CYB561D1: variants seen among roughly 807,000 people sequenced by gnomAD.
CYB561D1 encodes probable transmembrane reductase CYB561D1.
A neutral mutation model predicts 19.2 loss-of-function variants in CYB561D1; 15 were observed. That is an observed-to-expected ratio of 0.78 (90% CI 0.52 to 1.20). CYB561D1 has a LOEUF of 1.20. Ranked by LOEUF, CYB561D1 falls within the 50% of genes most tolerant of loss-of-function variation. CYB561D1 has a pLI of 0.00. For synonymous variants in CYB561D1, 133 were observed against 120.6 expected (o/e 1.10, Z -0.68); for missense variants, 297 against 287.3 (o/e 1.03, Z -0.24).
In CYB561D1 at chr1:109,497,629, C is replaced by T. The variant is rs1657642145; in HGVS notation, c.*1370C>T. ...TGGCAAGGCCTGACAACAGCTGAGC[C>T]AGGAAAGTGCTGCTGAGGCAAGTCG... On this transcript the variant is annotated 3_prime_UTR_variant, in exon 3 of 3. Transcript: ENST00000420578. The T allele has an allele frequency of 6.6e-6, 1 of 152,258 alleles. No individual in the cohort carries two copies. The highest frequency in any genetic ancestry group is 1.5e-5 in the Non-Finnish European group (1 of 68,082). The allele number at this position is 152,258 out of a possible 1,614,324, so 9.4% of individuals were successfully genotyped here.
At position 109,495,767 on chromosome 1, in the gene CYB561D1, C is replaced by T; in HGVS notation, c.198C>T (p.Cys66=). Residue 66 remains cysteine, a synonymous_variant, in exon 3 of 3, where the codon TGC becomes TGT. Coordinates refer to ENST00000420578, the MANE Select transcript of CYB561D1 (RefSeq NM_182580.3). The part of the protein sequence containing the change: ...PVFMALAFCL[C]MAEAILLFSP... ...TCCTATGTTCACAGTTCTGCCTCTG[C>T]ATGGCTGAAGCCATCCTACTCTTCT... 6.2e-7 allele frequency: 1 copy of T among 1,614,224 alleles called. No individual in the cohort carries two copies. The highest frequency in any genetic ancestry group is 8.5e-7 in the Non-Finnish European group (1 of 1,180,046).
In CYB561D1 at chr1:109,498,488, A is replaced by T. The variant is rs1657701902; in HGVS notation, c.*2229A>T. The T allele has an allele frequency of 6.6e-6, 1 of 152,034 alleles. No homozygotes were observed. Among genetic ancestry groups the T allele is most frequent in the African/African-American group, 2.4e-5 (1 of 41,362 alleles). The allele number at this position is 152,034 out of a possible 1,614,324, so 9.4% of individuals were successfully genotyped here. A position where few individuals can be genotyped will look rare whatever the true frequency, so the allele number is the denominator to read the frequency against. ...GTGTAGGGAATAGGTCACCAGGAGG[A>T]GCCCTTCATCCTGGCAGGCCGGATT... On this transcript the variant is annotated 3_prime_UTR_variant, in exon 3 of 3. Coordinates refer to ENST00000420578, the MANE Select transcript of CYB561D1 (RefSeq NM_182580.3).
chr1:109,496,238 G>A lies in CYB561D1; in HGVS notation c.669G>A (p.Pro223=), dbSNP rs763635444. 10 of 1,575,580 alleles carry A rather than the reference G, an allele frequency of 6.3e-6. No individual in the cohort carries two copies. The Admixed American group carries it at 7.1e-5, about 11-fold the overall frequency. ...ACCAGATTTCCAGATCCTACTTGCC[G>A]AGGAAGAAAATGGAAATGTGAGTTC... ...IMHQISRSYL[P]RKKMEM is the part of the protein sequence containing the mutation. The change falls in exon 3 of 3, where the codon CCG becomes CCA. Residue 223 remains proline, a synonymous_variant. Coordinates refer to ENST00000420578, the MANE Select transcript of CYB561D1 (RefSeq NM_182580.3).
rs770025059 is a variant in CYB561D1, at chr1:109,495,958, TG to T, written c.392del (p.Gly131GlufsTer3). 1.4e-5 allele frequency: 22 copies of T among 1,613,216 alleles called. No individual in the cohort carries two copies. In the African/African-American group the frequency reaches 2.1e-4, roughly 16 times the overall value. On this transcript the variant is annotated frameshift_variant, in exon 3 of 3. Coordinates refer to ENST00000420578, the MANE Select transcript of CYB561D1 (RefSeq NM_182580.3). LOFTEE classifies it high-confidence loss of function. Reference protein sequence around the residue: ...LPHLVSWHSWVGALTLLATAV... With the variant: ...LPHLVSWHSWXGALTLLATAV... ...CATCTGGTGTCCTGGCACAGCTGGGTGGGAGCCCTGACACTGCTGGCCACTG... is the reference window on the plus strand; with the variant it reads ...CATCTGGTGTCCTGGCACAGCTGGGTGGAGCCCTGACACTGCTGGCCACTG...
rs1657571420 is a variant in CYB561D1 at position 109,496,445 on chromosome 1, T to C, written c.*186T>C. The C allele has an allele frequency of 3.4e-6, 2 of 581,236 alleles. No individual in the cohort carries two copies. The highest frequency in any genetic ancestry group is 3.6e-5 in the Admixed American group (1 of 27,664). The allele number at this position is 581,236 out of a possible 1,614,324, so 36.0% of individuals were successfully genotyped here. A position where few individuals can be genotyped will look rare whatever the true frequency, so the allele number is the denominator to read the frequency against. On this transcript the variant is annotated 3_prime_UTR_variant, in exon 3 of 3. Coordinates refer to ENST00000420578, the MANE Select transcript of CYB561D1 (RefSeq NM_182580.3). ...AGTGGGTCAAAATGGGGAGATGTACTGGGTATGAGTGGAAGGTGATGGAGA... is the reference window on the plus strand; with the variant it reads ...AGTGGGTCAAAATGGGGAGATGTACCGGGTATGAGTGGAAGGTGATGGAGA...
rs188858648 is a variant in CYB561D1, at chr1:109,496,272, G to A, written c.*13G>A. 177 of 1,557,852 alleles carry A rather than the reference G, an allele frequency of 1.1e-4. No individual in the cohort carries two copies. The East Asian group carries it at 3.9e-3, about 34-fold the overall frequency. ...AATGGAAATGTGAGTTCCTGCGAAC[G>A]CTGAATCTAGGTGGGACGCTTGCCT... is the stretch of plus-strand genomic sequence containing the variant. On this transcript the variant is annotated 3_prime_UTR_variant, in exon 3 of 3. Coordinates refer to ENST00000420578, the MANE Select transcript of CYB561D1 (RefSeq NM_182580.3).
rs369791673 is a variant in CYB561D1, at chr1:109,494,157, A to G, written c.18A>G (p.Val6=). 469 of 1,538,232 alleles carry G rather than the reference A, an allele frequency of 3.0e-4. No individual in the cohort carries two copies. The highest frequency in any genetic ancestry group is 4.0e-4 in the Non-Finnish European group (457 of 1,139,508). The part of the protein sequence containing the change: MQPLE[V]GLVPAPAGEP... Reference sequence around the variant, plus strand: ...CCACGGCCATGCAGCCCCTGGAGGTAGGTCTGGTTCCCGCTCCAGCTGGGG... The same window carrying G: ...CCACGGCCATGCAGCCCCTGGAGGTGGGTCTGGTTCCCGCTCCAGCTGGGG... Residue 6 remains valine (V), a synonymous_variant, in exon 1 of 3, where the codon GTA becomes GTG. Transcript: ENST00000420578.
chr1:109,495,486 G>A (rs527815845), intron 2 of CYB561D1, among the ~76,000 whole-genome samples: 11 of 152,230 alleles, frequency 7.2e-5, no homozygotes, highest in Non-Finnish European at 1.3e-4. Context: ...AGTTCAGGAA[G>A]AAGTTTAACA....
In CYB561D1 at chr1:109,495,948, C is replaced by G. The variant is rs749187017; in HGVS notation, c.379C>G (p.His127Asp). The G allele has an allele frequency of 1.2e-6, 2 of 1,613,670 alleles. No homozygotes were observed. Among genetic ancestry groups the G allele is most frequent in the South Asian group, 2.2e-5 (2 of 91,046 alleles). Reference protein sequence around the residue: ...RSELPHLVSWHSWVGALTLLA... With the variant: ...RSELPHLVSWDSWVGALTLLA... ...TGAGCTGCCTCATCTGGTGTCCTGG[C>G]ACAGCTGGGTGGGAGCCCTGACACT... is the stretch of plus-strand genomic sequence containing the variant. Residue 127 changes from histidine (H) to aspartate (D), a missense_variant, in exon 3 of 3, where the codon CAC becomes GAC. Physicochemically the swap from His to Asp is moderately conservative, Grantham distance 81. Transcript: ENST00000420578.
chr1:109,494,871 AAAAAAC>A (rs1232281252), intron 1 of CYB561D1, among the ~76,000 whole-genome samples: 1 of 123,124 alleles, frequency 8.1e-6, no homozygotes, highest in Admixed American at 7.1e-5. Context: ...CAAAAAAAAC[AAAAAAC>A]AAAAAAGGGG....
intron 1 of CYB561D1, 57 bp from the exon 2 acceptor site, chr1:109,495,086 G>C: frequency 6.3e-7 from 1 of 1,596,344 alleles, no homozygotes; most frequent in East Asian, 2.2e-5. Context: ...GTTCCACCTA[G>C]CTACAGGGGC....
chr1:109,494,113 G>A lies in CYB561D1; in HGVS notation c.-27G>A, dbSNP rs1278799398. 7 of 1,452,304 alleles carry A rather than the reference G, an allele frequency of 4.8e-6. No individual in the cohort carries two copies. The highest frequency in any genetic ancestry group is 2.0e-4 in the Middle Eastern group (1 of 5,090). 90.0% of individuals were successfully genotyped at this position (1,452,304 alleles called of 1,614,324 possible). On this transcript the variant is annotated 5_prime_UTR_variant, in exon 1 of 3. Coordinates refer to ENST00000420578, the MANE Select transcript of CYB561D1 (RefSeq NM_182580.3). ...CCCGGAAGACGTGTTCGGGCAGCTG[G>A]AGTGTACGGGCCCGCGGGCCACGGC...
Position 109,495,840 on chromosome 1 carries a change from C to T in CYB561D1, c.271C>T (p.Arg91Trp), listed in dbSNP as rs139353734. Residue 91 changes from arginine (R) to tryptophan (W), a missense_variant, in exon 3 of 3, where the codon CGG becomes TGG. Coordinates refer to ENST00000420578, the MANE Select transcript of CYB561D1 (RefSeq NM_182580.3). ...CTTCTGCTCCCGAAAAGCACGGATC[C>T]GGCTCCACTGGGCAGGGCAGACCCT... ...FFFCSRKARI[R>W]LHWAGQTLAI... 1.2e-4 allele frequency: 194 copies of T among 1,613,888 alleles called. No individual in the cohort carries two copies. Among genetic ancestry groups the T allele is most frequent in the Non-Finnish European group, 1.4e-4 (171 of 1,180,046 alleles).
Position 109,498,844 on chromosome 1 carries a change from T to G in CYB561D1, c.*2585T>G, listed in dbSNP as rs1657724696. On this transcript the variant is annotated 3_prime_UTR_variant, in exon 3 of 3. Transcript: ENST00000420578. ...GAAAGCTGCTAGTGGTCAGCCTGTT[T>G]TGCCTTTTTTTAAAAAAAAAAAAAA... 1 of 110,884 alleles carries G rather than the reference T, an allele frequency of 9.0e-6. No individual in the cohort carries two copies. The highest frequency in any genetic ancestry group is 2.1e-4 in the East Asian group (1 of 4,716). 6.9% of individuals were successfully genotyped at this position (110,884 alleles called of 1,614,324 possible).
At chr1:109,495,256 A>G in intron 2 of CYB561D1, 76 bp downstream of exon 2, 1 of 1,534,370 alleles carries the variant, frequency 6.5e-7, no homozygotes, top group Non-Finnish European at 9.0e-7. Flanking sequence ...AGCTTTCAGA[A>G]AGCTCAGCCT....
At chr1:109,494,322 G>A (rs1406265441) in intron 1 of CYB561D1, 35 bp downstream of exon 1, 14 of 1,549,760 alleles carry the variant, frequency 9.0e-6, no homozygotes, top group Non-Finnish European at 1.2e-5. Context: ...GAAGGGGGCG[G>A]AGTGGAGATG....
In CYB561D1 at chr1:109,496,172, G is replaced by C; in HGVS notation, c.603G>C (p.Leu201=). The C allele has an allele frequency of 6.2e-7, 1 of 1,612,510 alleles. No homozygotes were observed. The highest frequency in any genetic ancestry group is 1.7e-4 in the Middle Eastern group (1 of 6,056). Residue 201 remains leucine (L), a synonymous_variant, in exon 3 of 3, where the codon CTG becomes CTC. Transcript: ENST00000420578. ...AGATCAAAGGTGCGGCCTGGTACCT[G>C]TGCCTGGCACTGCCCGTCTATCCAG... The part of the protein sequence containing the change: ...QAQIKGAAWY[L]CLALPVYPAL...
Position 109,495,798 on chromosome 1 carries a change from G to T in CYB561D1, c.229G>T (p.Glu77Ter). The change falls in exon 3 of 3, where the codon GAA (glutamate) becomes TAA (stop). Residue 77 changes from glutamate to a stop codon, truncating the protein, a stop_gained. Transcript: ENST00000420578. LOFTEE classifies it high-confidence loss of function. ...TGAAGCCATCCTACTCTTCTCACCT[G>T]AACACTCCCTGTTCTTCTTCTGCTC... ...MAEAILLFSPEHSLFFFCSRK... is the reference protein window; with the variant it reads ...MAEAILLFSP The T allele has an allele frequency of 1.2e-6, 2 of 1,614,104 alleles. No individual in the cohort carries two copies. The highest frequency in any genetic ancestry group is 1.7e-6 in the Non-Finnish European group (2 of 1,180,042).
intron 1 of CYB561D1, among the ~76,000 whole-genome samples, chr1:109,494,856 ACAAC>A (rs1318166711): frequency 7.3e-6 from 1 of 137,562 alleles, no homozygotes; most frequent in African/African-American, 3.2e-5. Context: ...ACAAAAAACA[ACAAC>A]CAAAAAAAAC....
Sources: allele counts gnomAD v4.1 joint callset (sites outside exome capture counted in the v4.1 genomes callset), GRCh38; gene constraint gnomAD v4.1.1; transcripts MANE v1.5; gene names NCBI Gene and HGNC (gene_info 2026-07-23, HGNC 2026-07-21).